Variants in MRTFA observed in about 807,000 individuals in gnomAD.
MRTFA encodes myocardin related transcription factor A, also known as myocardin-related transcription factor A.
Under a neutral mutation model 83.5 loss-of-function variants are expected in MRTFA, and 20 were observed. The observed-to-expected ratio is 0.24, with a 90% CI of 0.17 to 0.35. MRTFA has a LOEUF of 0.35. Ranked by LOEUF, MRTFA falls within the 10% of genes least tolerant of loss-of-function variation. The pLI is 1.00. For missense variants in MRTFA, 1,200 were observed against 1,224.7 expected (o/e 0.98, Z 0.30); for synonymous variants, 659 against 541.2 (o/e 1.22, Z -3.02).
chr22:40,636,158 A>G (rs2056695797), intron 1 of MRTFA, among the ~76,000 whole-genome samples: 1 of 152,058 alleles, frequency 6.6e-6, no homozygotes, highest in African/African-American at 2.4e-5. Context: ...ATCAAAACAC[A>G]TCCCGGGAGA....
At chr22:40,556,596 G>A (rs1194772154) in intron 2 of MRTFA, among the ~76,000 whole-genome samples, 2 of 152,052 alleles carry the variant, frequency 1.3e-5, no homozygotes, top group Non-Finnish European at 1.5e-5. Context: ...GCAAACAATG[G>A]GAAAAGGATT....
chr22:40,562,077 C>T (rs552366888), intron 2 of MRTFA, among the ~76,000 whole-genome samples: 4 of 152,200 alleles, frequency 2.6e-5, no homozygotes, highest in Non-Finnish European at 5.9e-5. Context: ...ATTAGCCGGA[C>T]GTGGTGGTGG....
chr22:40,515,377 A>T (rs1054975725), intron 3 of MRTFA, among the ~76,000 whole-genome samples: 1 of 152,066 alleles, frequency 6.6e-6, no homozygotes, highest in African/African-American at 2.4e-5. Context: ...TACATTTAAA[A>T]ACCCCCAAAA....
chr22:40,423,083 G>T (rs1430613972), intron 9 of MRTFA, among the ~76,000 whole-genome samples: 1 of 152,170 alleles, frequency 6.6e-6, no homozygotes, highest in Non-Finnish European at 1.5e-5. Flanking sequence ...GCCCAGCACA[G>T]GTCCCCCACA....
chr22:40,421,207 T>A, intron 9 of MRTFA, 107 bp from the exon 10 acceptor site: 1 of 1,310,890 alleles, frequency 7.6e-7, no homozygotes, highest in Non-Finnish European at 1.0e-6. Context: ...GACATCCCCA[T>A]CCACACTTTG....
chr22:40,617,853 T>C (rs112057490), intron 1 of MRTFA, among the ~76,000 whole-genome samples: 1,559 of 152,316 alleles, frequency 0.01, 20 homozygotes, highest in South Asian at 0.058. Flanking sequence ...CATTCATTCA[T>C]TCATTTATTC....
chr22:40,436,277 T>C (rs1029589788), intron 4 of MRTFA: 1 of 154,342 alleles, frequency 6.5e-6, no homozygotes, highest in African/African-American at 2.4e-5. Context: ...GCATGCCAAA[T>C]TAACCTTACT....
At chr22:40,591,490 T>C (rs961317316) in intron 2 of MRTFA, among the ~76,000 whole-genome samples, 5 of 152,154 alleles carry the variant, frequency 3.3e-5, no homozygotes, top group Non-Finnish European at 7.3e-5. Context: ...GAAAACTTCA[T>C]GAGTGGAAGA....
At chr22:40,444,188 G>A (rs1602251791) in intron 4 of MRTFA, among the ~76,000 whole-genome samples, 2 of 152,078 alleles carry the variant, frequency 1.3e-5, no homozygotes, top group Non-Finnish European at 2.9e-5. Flanking sequence ...TATTACAGCA[G>A]AATAAAGGAG....
chr22:40,417,467 C>T lies in MRTFA; in HGVS notation c.2391G>A (p.Ala797=), dbSNP rs371079851. The change falls in exon 13 of 15, where the codon GCG becomes GCA. Residue 797 remains alanine, a synonymous_variant. Coordinates refer to ENST00000355630, the MANE Select transcript of MRTFA (RefSeq NM_020831.6). Reference sequence around the variant, plus strand: ...GGTCCATCTGGGCAGAGGGGGCAGGCGCTGGAGAGCCAGGCTGGGACGAGG... The same window carrying T: ...GGTCCATCTGGGCAGAGGGGGCAGGTGCTGGAGAGCCAGGCTGGGACGAGG... 68 of 1,592,598 alleles carry T rather than the reference C, an allele frequency of 4.3e-5. No individual in the cohort carries two copies. Among genetic ancestry groups the T allele is most frequent in the African/African-American group, 3.8e-4 (28 of 74,296 alleles).
intron 2 of MRTFA, among the ~76,000 whole-genome samples, chr22:40,566,168 C>G (rs2055700119): frequency 6.6e-6 from 1 of 151,602 alleles, no homozygotes; most frequent in African/African-American, 2.4e-5. Flanking sequence ...ATTACATAAA[C>G]AACTGGATGC....
intron 9 of MRTFA, 94 bp downstream of exon 9, chr22:40,423,442 C>A: frequency 8.5e-7 from 1 of 1,173,874 alleles, no homozygotes; most frequent in Non-Finnish European, 1.1e-6. Context: ...ACGCACCACA[C>A]CCTCTACAGC....
chr22:40,525,513 A>G (rs1240062247), intron 3 of MRTFA, among the ~76,000 whole-genome samples: 1 of 152,172 alleles, frequency 6.6e-6, no homozygotes, highest in Non-Finnish European at 1.5e-5. Flanking sequence ...CAAAAAAATT[A>G]TAAAAATATA....
At chr22:40,432,767 G>T (rs1267467227) in intron 5 of MRTFA, among the ~76,000 whole-genome samples, 1 of 152,174 alleles carries the variant, frequency 6.6e-6, no homozygotes, top group Non-Finnish European at 1.5e-5. Context: ...CCAGCCCAGG[G>T]GAGGCTGAGC....
intron 4 of MRTFA, among the ~76,000 whole-genome samples, chr22:40,455,175 TA>T (rs1289088553): frequency 2.0e-5 from 3 of 152,306 alleles, no homozygotes; most frequent in Non-Finnish European, 4.4e-5. Context: ...TGTGCCTATT[TA>T]AATCTAAATT....
chr22:40,591,008 G>A (rs1284336784), intron 2 of MRTFA, among the ~76,000 whole-genome samples: 1 of 151,656 alleles, frequency 6.6e-6, no homozygotes. Context: ...GGTGGCACGC[G>A]CCTGTAGTCC....
Position 40,463,228 on chromosome 22 carries a change from G to T in MRTFA, c.300C>A (p.Ile100=). The T allele has an allele frequency of 6.2e-7, 1 of 1,613,908 alleles. No individual in the cohort carries two copies. The change falls in exon 4 of 15, where the codon ATC becomes ATA. Residue 100 remains isoleucine (I), a synonymous_variant. Coordinates refer to ENST00000355630, the MANE Select transcript of MRTFA (RefSeq NM_020831.6). The stretch of plus-strand genomic sequence containing the variant: ...AGAGAGAGAGGCACTTACGCGGCAT[G>T]ATCCCTTGGCTCACCAGTTCTTCCC...
rs1369002433 is a variant in MRTFA, at chr22:40,420,855, G to A, written c.1173C>T (p.Ala391=). ...GAGGAGCGGGTGCCTACTTTGGCGG[G>A]GCAGGCAGGATGGCCTGGTAGTTGT... The change falls in exon 10 of 15, where the codon GCC becomes GCT. Residue 391 remains alanine (A), a synonymous_variant. Transcript: ENST00000355630. 23 of 1,613,604 alleles carry A rather than the reference G, an allele frequency of 1.4e-5. No homozygotes were observed. The highest frequency in any genetic ancestry group is 1.9e-5 in the Non-Finnish European group (23 of 1,179,930).
At chr22:40,502,344 C>T (rs1246997162) in intron 3 of MRTFA, among the ~76,000 whole-genome samples, 2 of 108,732 alleles carry the variant, frequency 1.8e-5, no homozygotes, top group African/African-American at 3.8e-5. Context: ...ACTTCTCAGA[C>T]GGGGCGGCCG....
Sources: gnomAD v4.1 joint callset for allele counts (sites outside exome capture counted in the v4.1 genomes callset) on GRCh38, gnomAD v4.1.1 for gene constraint, MANE v1.5 for transcripts, NCBI Gene and HGNC (gene_info 2026-07-23, HGNC 2026-07-21) for gene names.